ZBBX: variants seen among roughly 807,000 people sequenced by gnomAD.
The protein encoded by ZBBX is zinc finger B-box domain-containing protein 1.
In ZBBX, 101 loss-of-function variants were observed where a neutral mutation model predicts 108.5. That is an observed-to-expected ratio of 0.93 (90% CI 0.79 to 1.10). ZBBX has a LOEUF of 1.10. ZBBX is among the 50% of genes least tolerant of loss of function. ZBBX has a pLI of 0.00. For missense variants in ZBBX, 1,009 were observed against 941.4 expected (o/e 1.07, Z -0.94); for synonymous variants, 356 against 323.4 (o/e 1.10, Z -1.08).
At chr3:167,308,929 A>C (rs574892395) in intron 16 of ZBBX, among the ~76,000 whole-genome samples, 119 of 152,182 alleles carry the variant, frequency 7.8e-4, no homozygotes, top group African/African-American at 2.8e-3. Flanking sequence ...ACAAAACTAC[A>C]CGTGTGTCCC....
intron 20 of ZBBX, among the ~76,000 whole-genome samples, chr3:167,274,868 T>C (rs1040216270): frequency 6.6e-6 from 1 of 152,170 alleles, no homozygotes; most frequent in Non-Finnish European, 1.5e-5. Flanking sequence ...GCGTTAAGGA[T>C]ATAAAAACCC....
chr3:167,205,043 T>C, the ZBBX span, among the ~76,000 whole-genome samples: 1 of 152,006 alleles, frequency 6.6e-6, no homozygotes. Flanking sequence ...AGAGAAGACA[T>C]GGTGACAATA....
chr3:167,215,513 G>T, the ZBBX span, among the ~76,000 whole-genome samples: 4 of 152,034 alleles, frequency 2.6e-5, no homozygotes, highest in African/African-American at 9.7e-5. Flanking sequence ...AAAAATCCCA[G>T]GACCTGATGG....
chr3:167,179,386 G>A, the ZBBX span, among the ~76,000 whole-genome samples: 8 of 152,366 alleles, frequency 5.3e-5, no homozygotes, highest in East Asian at 1.5e-3. Context: ...AATTGTCAAA[G>A]TGTCTGGCAT....
intron 20 of ZBBX, among the ~76,000 whole-genome samples, chr3:167,276,205 C>A (rs1045472790): frequency 4.6e-5 from 7 of 151,968 alleles, no homozygotes; most frequent in African/African-American, 1.7e-4. Context: ...CAAAGGAATG[C>A]AGTTCCTCAC....
At chr3:167,274,608 C>T (rs1359996788) in intron 20 of ZBBX, among the ~76,000 whole-genome samples, 1 of 152,164 alleles carries the variant, frequency 6.6e-6, no homozygotes, top group Non-Finnish European at 1.5e-5. Flanking sequence ...TTTCTTGTTT[C>T]TCCTTGCCAA....
intron 12 of ZBBX, among the ~76,000 whole-genome samples, chr3:167,320,291 G>A (rs1277018543): frequency 6.8e-6 from 1 of 147,300 alleles, no homozygotes; most frequent in Non-Finnish European, 1.5e-5. Context: ...GGATGGAAGA[G>A]TCAACCCGAC....
intron 1 of ZBBX, among the ~76,000 whole-genome samples, chr3:167,387,338 T>A (rs767150939): frequency 7.2e-5 from 11 of 152,018 alleles, no homozygotes; most frequent in Non-Finnish European, 1.5e-4. Context: ...CTGCTAAAAC[T>A]GTGAGAATAT....
At chr3:167,181,821 A>G in the ZBBX span, among the ~76,000 whole-genome samples, 2 of 152,202 alleles carry the variant, frequency 1.3e-5, no homozygotes, top group Non-Finnish European at 2.9e-5. Flanking sequence ...AGACCTACCT[A>G]GAAGTAATCC....
chr3:167,393,012 T>C (rs1263315260), intron 1 of ZBBX: 2 of 151,796 alleles, frequency 1.3e-5, no homozygotes, highest in African/African-American at 4.8e-5. Context: ...TTCCATCCAA[T>C]GATGCAATGA....
intron 20 of ZBBX, among the ~76,000 whole-genome samples, chr3:167,278,911 T>A (rs1335498395): frequency 1.3e-5 from 2 of 152,090 alleles, no homozygotes; most frequent in African/African-American, 4.8e-5. Flanking sequence ...CATGATCAAG[T>A]GGGCTTCATC....
chr3:167,219,924 C>T, the ZBBX span, among the ~76,000 whole-genome samples: 2,042 of 151,820 alleles, frequency 0.013, 22 homozygotes, highest in South Asian at 0.027. Context: ...ACATTACAGC[C>T]GATACTGCAG....
At chr3:167,234,684 T>G in the ZBBX span, among the ~76,000 whole-genome samples, 1 of 151,766 alleles carries the variant, frequency 6.6e-6, no homozygotes, top group Non-Finnish European at 1.5e-5. Context: ...TATTGATCAG[T>G]AATAAAGATA....
the ZBBX span, among the ~76,000 whole-genome samples, chr3:167,212,720 C>T: frequency 6.6e-6 from 1 of 152,150 alleles, no homozygotes; most frequent in African/African-American, 2.4e-5. Flanking sequence ...TCTAGAGCTG[C>T]AGTGGGCAAT....
chr3:167,220,556 C>CA, the ZBBX span, among the ~76,000 whole-genome samples: 11 of 151,962 alleles, frequency 7.2e-5, no homozygotes, highest in Admixed American at 5.9e-4. Flanking sequence ...TGAAAACCCT[C>CA]AAAAAGTTAG....
chr3:167,209,349 CT>C, the ZBBX span, among the ~76,000 whole-genome samples: 11 of 151,980 alleles, frequency 7.2e-5, no homozygotes, highest in Non-Finnish European at 1.2e-4. Context: ...CACAGGGGTA[CT>C]TGTGTCACCC....
chr3:167,228,797 G>T, the ZBBX span, among the ~76,000 whole-genome samples: 3 of 151,724 alleles, frequency 2.0e-5, no homozygotes, highest in African/African-American at 7.3e-5. Flanking sequence ...CATTCATTTT[G>T]CTGTGAGTTC....
At chr3:167,333,748 AG>A (rs1207254145) in intron 10 of ZBBX, 78 bp downstream of exon 10, 2 of 1,224,764 alleles carry the variant, frequency 1.6e-6, no homozygotes, top group African/African-American at 3.0e-5. Context: ...GAAATTCTAT[AG>A]CTCAAGTTAA....
chr3:167,354,211 G>A (rs762729702), intron 8 of ZBBX, among the ~76,000 whole-genome samples: 1 of 151,428 alleles, frequency 6.6e-6, no homozygotes. Context: ...TCCTAGCATC[G>A]TATTTTACCA....
Sources: allele counts gnomAD v4.1 joint callset (sites outside exome capture counted in the v4.1 genomes callset), GRCh38; gene constraint gnomAD v4.1.1; transcripts MANE v1.5; gene names NCBI Gene and HGNC (gene_info 2026-07-23, HGNC 2026-07-21).